The following RCL1 variants were observed in gnomAD, a reference collection of about 807,000 sequenced individuals.
The protein encoded by RCL1 is RNA terminal phosphate cyclase like 1, also known as RNA 3'-terminal phosphate cyclase-like protein.
In RCL1, 24 loss-of-function variants were observed where a neutral mutation model predicts 42.4. That is an observed-to-expected ratio of 0.57 (90% CI 0.41 to 0.80). The LOEUF (loss-of-function observed/expected upper bound fraction) is 0.80, where lower values mean the gene tolerates loss of function less well. RCL1 is among the 30% of genes least tolerant of loss of function. The pLI is 0.00. For synonymous variants in RCL1, 228 were observed against 177.3 expected (o/e 1.29, Z -2.27); for missense variants, 578 against 467.9 (o/e 1.24, Z -2.17).
rs201719289 is a variant in RCL1, at chr9:4,860,251, C to A, written c.1098C>A (p.Ser366=). 2.5e-6 allele frequency: 4 copies of A among 1,613,444 alleles called. No homozygotes were observed. The highest frequency in any genetic ancestry group is 2.5e-6 in the Non-Finnish European group (3 of 1,179,794). Residue 366 remains serine (S), a synonymous_variant, in exon 9 of 9, where the codon TCC becomes TCA. Coordinates refer to ENST00000381750, the MANE Select transcript of RCL1 (RefSeq NM_005772.5). The part of the protein sequence containing the change: ...VLMTCVGIGF[S]NLSKTLK ...TGACCTGTGTTGGCATTGGTTTCTC[C>A]AACCTTAGCAAGACCCTCAAGTGAT...
Position 4,839,351 on chromosome 9 carries a change from C to T in RCL1, c.585-1881C>T, listed in dbSNP as rs550042572. On this transcript the variant is annotated intron_variant, in intron 5 of 8. Transcript: ENST00000381750. Reference sequence around the variant, plus strand: ...TGAGCAAGTGTCTTAGTTTTTTTGTCTTAGTTGTCTTTAATGTAAGTCCTA... The same window carrying T: ...TGAGCAAGTGTCTTAGTTTTTTTGTTTTAGTTGTCTTTAATGTAAGTCCTA... Among the ~76,000 whole-genome samples, 3 of 152,204 alleles carry T rather than the reference C, an allele frequency of 2.0e-5. No individual in the cohort carries two copies. In the South Asian group the frequency reaches 6.2e-4, roughly 32 times the overall value.
chr9:4,837,620 G>A (rs907226061), intron 5 of RCL1, among the ~76,000 whole-genome samples: 7 of 152,154 alleles, frequency 4.6e-5, no homozygotes, highest in Non-Finnish European at 8.8e-5. Context: ...GGTCCCCCTT[G>A]TTCTCTCTGG....
chr9:4,835,444 T>G (rs7048839), intron 5 of RCL1, among the ~76,000 whole-genome samples: 131,471 of 152,130 alleles, frequency 0.86, 56,879 homozygotes, highest in East Asian at 1. Context: ...GCTGGATCCC[T>G]ATCCCAAGGG....
chr9:4,793,730 G>C (rs572080489), intron 1 of RCL1, among the ~76,000 whole-genome samples: 1 of 152,162 alleles, frequency 6.6e-6, no homozygotes, highest in Non-Finnish European at 1.5e-5. Flanking sequence ...ATGATTTCTC[G>C]GCTGCCCTCA....
At chr9:4,829,374 A>G (rs1265858711) in intron 3 of RCL1, among the ~76,000 whole-genome samples, 1 of 152,208 alleles carries the variant, frequency 6.6e-6, no homozygotes, top group Non-Finnish European at 1.5e-5. Flanking sequence ...AGATGACTTC[A>G]TGATTTCTGT....
At chr9:4,801,182 G>T (rs974142595) in intron 1 of RCL1, among the ~76,000 whole-genome samples, 3 of 151,992 alleles carry the variant, frequency 2.0e-5, no homozygotes, top group African/African-American at 7.2e-5. Flanking sequence ...GTTTTGTTTT[G>T]TTTTTTTGAG....
intron 5 of RCL1, chr9:4,839,592 A>T: frequency 1.1e-6 from 1 of 886,798 alleles, no homozygotes. Flanking sequence ...CTGTTTGTCT[A>T]AGCTGTCTGT....
Position 4,841,318 on chromosome 9 carries a change from A to G in RCL1, c.671A>G (p.Tyr224Cys), listed in dbSNP as rs757659449. 1.1e-5 allele frequency: 18 copies of G among 1,613,110 alleles called. No individual in the cohort carries two copies. Among genetic ancestry groups the G allele is most frequent in the Admixed American group, 5.0e-5 (3 of 59,990 alleles). The change falls in exon 6 of 9, where the codon TAT becomes TGT. Residue 224 changes from tyrosine to cysteine, a missense_variant. Tyr to Cys is a radical substitution (Grantham distance 194, BLOSUM62 -2). Transcript: ENST00000381750. ...CTCAACAAGTTCATACCTGATATCT[A>G]TATTTACACAGATCACATGAAAGGA... ...SILNKFIPDI[Y>C]IYTDHMKGVN... is the part of the protein sequence containing the mutation.
chr9:4,830,789 C>G (rs457944), intron 3 of RCL1, among the ~76,000 whole-genome samples: 15,066 of 152,232 alleles, frequency 0.099, 984 homozygotes, highest in Middle Eastern at 0.23. Flanking sequence ...GTTTCTTCCT[C>G]TCTTTTTTCT....
chr9:4,829,426 A>G (rs1250875134), intron 3 of RCL1, among the ~76,000 whole-genome samples: 3 of 152,186 alleles, frequency 2.0e-5, no homozygotes, highest in African/African-American at 7.2e-5. Flanking sequence ...GATCATTCCC[A>G]TTTGACAAAG....
chr9:4,804,771 C>G (rs916651826), intron 1 of RCL1: 5 of 181,626 alleles, frequency 2.8e-5, no homozygotes, highest in Non-Finnish European at 5.9e-5. Context: ...TGACTCCTGC[C>G]GGAGCAGCGA....
At chr9:4,847,231 A>G (rs1817551577) in intron 7 of RCL1, among the ~76,000 whole-genome samples, 2 of 152,078 alleles carry the variant, frequency 1.3e-5, no homozygotes, top group South Asian at 4.1e-4. Flanking sequence ...TGCCTGGACC[A>G]AATTTCTTTC....
intron 1 of RCL1, among the ~76,000 whole-genome samples, chr9:4,807,902 G>A (rs560295331): frequency 2.6e-5 from 4 of 151,984 alleles, no homozygotes; most frequent in South Asian, 2.1e-4. Context: ...ATTCCATTAC[G>A]GTCAGAAAAC....
chr9:4,820,308 A>G (rs1437806520), intron 1 of RCL1, among the ~76,000 whole-genome samples: 1 of 152,150 alleles, frequency 6.6e-6, no homozygotes, highest in Non-Finnish European at 1.5e-5. Context: ...TGATCTTACC[A>G]TTATTAGGTG....
intron 2 of RCL1, among the ~76,000 whole-genome samples, chr9:4,825,249 C>G (rs1277115122): frequency 6.6e-6 from 1 of 152,180 alleles, no homozygotes; most frequent in Non-Finnish European, 1.5e-5. Flanking sequence ...CATGATTCTG[C>G]TCCCACTACA....
intron 3 of RCL1, among the ~76,000 whole-genome samples, chr9:4,828,613 A>G (rs1816847352): frequency 6.6e-6 from 1 of 151,362 alleles, no homozygotes; most frequent in Non-Finnish European, 1.5e-5. Context: ...GAATGAGAAG[A>G]GGTATAAATA....
intron 1 of RCL1, among the ~76,000 whole-genome samples, chr9:4,820,884 T>C (rs963577957): frequency 1.6e-4 from 25 of 152,230 alleles, no homozygotes; most frequent in African/African-American, 5.8e-4. Context: ...CTATTACACA[T>C]ACACATATGT....
chr9:4,847,240 TC>T (rs1563855343), intron 7 of RCL1, among the ~76,000 whole-genome samples: 1 of 152,236 alleles, frequency 6.6e-6, no homozygotes, highest in Non-Finnish European at 1.5e-5. Context: ...CAAATTTCTT[TC>T]GTTTTCTTTT....
intron 8 of RCL1, among the ~76,000 whole-genome samples, chr9:4,852,170 C>G (rs935166256): frequency 1.3e-5 from 2 of 152,170 alleles, no homozygotes; most frequent in African/African-American, 4.8e-5. Flanking sequence ...CCTGAGCCAC[C>G]AAGTCCGGCC....
Sources: gnomAD v4.1 joint callset for allele counts (sites outside exome capture counted in the v4.1 genomes callset) on GRCh38, gnomAD v4.1.1 for gene constraint, MANE v1.5 for transcripts, NCBI Gene and HGNC (gene_info 2026-07-23, HGNC 2026-07-21) for gene names.